Variants in ACSM2B observed in about 807,000 individuals in gnomAD.
The protein encoded by ACSM2B is acyl-CoA synthetase medium chain family member 2B, also known as acyl-coenzyme A synthetase ACSM2B, mitochondrial.
In ACSM2B, 58 loss-of-function variants were observed where a neutral mutation model predicts 78.6. The observed-to-expected ratio is 0.74, with a 90% CI of 0.60 to 0.92. The LOEUF is 0.92. Among genes scored for constraint, ACSM2B ranks in the 40% least tolerant of loss-of-function variants. The pLI is 0.00. For missense variants in ACSM2B, 688 were observed against 711.2 expected (o/e 0.97, Z 0.37); for synonymous variants, 257 against 256.8 (o/e 1.00, Z -0.01).
chr16:20,559,582 T>C, intron 2 of ACSM2B, 135 bp from the exon 3 acceptor site: 1 of 1,308,132 alleles, frequency 7.6e-7, no homozygotes, highest in Non-Finnish European at 1.0e-6. Flanking sequence ...TCATAAAAAG[T>C]ATTGAAAACC....
In ACSM2B at chr16:20,548,077, A is replaced by G. The variant is rs1349997026; in HGVS notation, c.1083T>C (p.Tyr361=). The part of the protein sequence containing the change: ...AQTGLDIREF[Y]GQTETGLTCM... ...GAACAGGTACCGTTTCTGTCTGGCCATAGAATTCTCGGATGTCCAGTCCTG... is the reference window on the plus strand; with the variant it reads ...GAACAGGTACCGTTTCTGTCTGGCCGTAGAATTCTCGGATGTCCAGTCCTG... The change falls in exon 8 of 14, where the codon TAT becomes TAC. Residue 361 remains tyrosine (Y), a synonymous_variant. Transcript: ENST00000329697. The G allele has an allele frequency of 1.9e-6, 3 of 1,614,066 alleles. No homozygotes were observed. The highest frequency in any genetic ancestry group is 2.5e-6 in the Non-Finnish European group (3 of 1,179,912).
rs372027953 is a variant in ACSM2B, at chr16:20,548,468, G to A, written c.900C>T (p.Leu300=). 17 of 1,613,488 alleles carry A rather than the reference G, an allele frequency of 1.1e-5. No individual in the cohort carries two copies. The highest frequency in any genetic ancestry group is 1.4e-5 in the Non-Finnish European group (17 of 1,179,682). Residue 300 remains leucine (L), a synonymous_variant, in exon 7 of 14, where the codon CTC becomes CTT. Transcript: ENST00000329697. ...TCATACTCTTGATTGGATAACTGGAGAGTGTCTGGAAGACAAGAGCCAGGT... is the reference window on the plus strand; with the variant it reads ...TCATACTCTTGATTGGATAACTGGAAAGTGTCTGGAAGACAAGAGCCAGGT... ...KFDPLVILKT[L]SSYPIKSMMG...
At chr16:20,560,780 A>T (rs988765697) in intron 2 of ACSM2B, among the ~76,000 whole-genome samples, 5 of 152,112 alleles carry the variant, frequency 3.3e-5, no homozygotes, top group Admixed American at 6.5e-5. Flanking sequence ...AAAAGTTTGG[A>T]ACGTCTTAGG....
chr16:20,562,950 C>A (rs1290495331), intron 2 of ACSM2B, among the ~76,000 whole-genome samples: 3 of 152,138 alleles, frequency 2.0e-5, no homozygotes, highest in Non-Finnish European at 4.4e-5. Flanking sequence ...CTGCCTCACC[C>A]AGAAACAAAC....
At chr16:20,544,743 A>C in intron 10 of ACSM2B, 1 of 986,242 alleles carries the variant, frequency 1.0e-6, no homozygotes, top group Non-Finnish European at 1.2e-6. Context: ...GGATTCCTCC[A>C]ACTAGATGGT....
intron 9 of ACSM2B, 64 bp from the exon 10 acceptor site, chr16:20,545,322 G>A: frequency 1.9e-6 from 3 of 1,559,444 alleles, no homozygotes; most frequent in African/African-American, 1.4e-5. Flanking sequence ...ATGGCAGCAG[G>A]AGATTGCTGA....
At chr16:20,550,166 C>A (rs112335458) in intron 6 of ACSM2B, among the ~76,000 whole-genome samples, 16,523 of 151,972 alleles carry the variant, frequency 0.11, 1,832 homozygotes, top group African/African-American at 0.28. Flanking sequence ...GAGGATGGGG[C>A]CTTAGGATTT....
chr16:20,566,743 ATATATAC>A (rs2015896646), intron 1 of ACSM2B, among the ~76,000 whole-genome samples: 1 of 76,562 alleles, frequency 1.3e-5, no homozygotes, highest in African/African-American at 7.4e-5. Context: ...AGTATATACT[ATATATAC>A]TATATATAGT....
chr16:20,544,918 G>A, intron 10 of ACSM2B: 3 of 1,128,434 alleles, frequency 2.7e-6, no homozygotes, highest in Non-Finnish European at 2.3e-6. Flanking sequence ...TTCTTGAGGA[G>A]TCTAAGGGCT....
rs2015627656 is a variant in ACSM2B, at chr16:20,560,725, G to T, written c.178-1278C>A. 2.0e-5 allele frequency among the ~76,000 whole-genome samples: 3 copies of T among 152,090 alleles called. 1 individual carries two copies. On this transcript the variant is annotated intron_variant, in intron 2 of 13. Transcript: ENST00000329697. Reference sequence around the variant, plus strand: ...TAACTCTGGAACTTGGTCATGGGAAGAAATTGAAGAGTTTGGAAGGCTTAG... The same window carrying T: ...TAACTCTGGAACTTGGTCATGGGAATAAATTGAAGAGTTTGGAAGGCTTAG...
chr16:20,540,871 A>G (rs879110384), intron 12 of ACSM2B, 98 bp from the exon 13 acceptor site: 1 of 1,503,710 alleles, frequency 6.7e-7, no homozygotes, highest in Admixed American at 1.8e-5. Flanking sequence ...TCACCCTTGT[A>G]TCTACTCATT....
chr16:20,572,097 A>G (rs1567221807), intron 1 of ACSM2B, among the ~76,000 whole-genome samples: 1 of 151,206 alleles, frequency 6.6e-6, no homozygotes, highest in African/African-American at 2.4e-5. Flanking sequence ...GTCAGGTACT[A>G]TTCCATTCAT....
chr16:20,554,493 G>A (rs34384719), intron 4 of ACSM2B, among the ~76,000 whole-genome samples: 11,631 of 152,232 alleles, frequency 0.076, 622 homozygotes, highest in East Asian at 0.2. Flanking sequence ...ATGGCATTAG[G>A]AAGGAAAAGC....
rs1450991850 is a variant in ACSM2B, at chr16:20,559,595, A to G, written c.178-148T>C. ...AATCATAAAAAGTATTGAAAACCCT[A>G]AAGAGTTGTTATTTATATGAGTTAT... is the stretch of plus-strand genomic sequence containing the variant. On this transcript the variant is annotated intron_variant, in intron 2 of 13. Coordinates refer to ENST00000329697, the MANE Select transcript of ACSM2B (RefSeq NM_001105069.2). The G allele has an allele frequency of 6.6e-5, 83 of 1,249,232 alleles. 1 individual carries two copies. The highest frequency in any genetic ancestry group is 8.7e-6 in the Non-Finnish European group (8 of 922,012). The allele number at this position is 1,249,232 out of a possible 1,614,324, so 77.4% of individuals were successfully genotyped here. A position where few individuals can be genotyped will look rare whatever the true frequency, so the allele number is the denominator to read the frequency against.
At chr16:20,569,202 AGATTT>A (rs1206285873) in intron 1 of ACSM2B, among the ~76,000 whole-genome samples, 3 of 151,988 alleles carry the variant, frequency 2.0e-5, no homozygotes, top group African/African-American at 7.2e-5. Context: ...TTCAGGTCTT[AGATTT>A]AAGTCCTTGA....
At chr16:20,569,292 T>A (rs1489279564) in intron 1 of ACSM2B, among the ~76,000 whole-genome samples, 1 of 152,092 alleles carries the variant, frequency 6.6e-6, no homozygotes, top group African/African-American at 2.4e-5. Context: ...GGCTTGCCAA[T>A]TATCCCAGAA....
At position 20,542,964 on chromosome 16, in the gene ACSM2B, C is replaced by G; in HGVS notation, c.1459G>C (p.Ala487Pro). Residue 487 changes from alanine (A) to proline (P), a missense_variant, in exon 12 of 14, where the codon GCT becomes CCT. Physicochemically the swap from Ala to Pro is conservative, Grantham distance 27. Coordinates refer to ENST00000329697, the MANE Select transcript of ACSM2B (RefSeq NM_001105069.2). ...EVENALMKHP[A>P]VVETAVISSP... ...CTGATCACAGCCGTCTCAACCACAG[C>G]AGGGTGCTTCATCAGTGCATTCTCT... 4 of 1,613,718 alleles carry G rather than the reference C, an allele frequency of 2.5e-6. No individual in the cohort carries two copies. Among genetic ancestry groups the G allele is most frequent in the Non-Finnish European group, 3.4e-6 (4 of 1,179,862 alleles).
In ACSM2B at chr16:20,553,802, C is replaced by A. The variant is rs1424751746; in HGVS notation, c.715G>T (p.Gly239Cys). 1 of 1,611,446 alleles carries A rather than the reference C, an allele frequency of 6.2e-7. No homozygotes were observed. The highest frequency in any genetic ancestry group is 1.1e-5 in the South Asian group (1 of 90,902). The change falls in exon 5 of 14, where the codon GGC (glycine) becomes TGC (cysteine). Residue 239 changes from glycine to cysteine, a missense_variant. Transcript: ENST00000329697. Reference sequence around the variant, plus strand: ...CCAGCATCCATCTTGGCCTTGAGGCCCAGGCTCGAGTAGGAATGTTCTGCC... The same window carrying A: ...CCAGCATCCATCTTGGCCTTGAGGCACAGGCTCGAGTAGGAATGTTCTGCC... ...KMAEHSYSSL[G>C]LKAKMDAGWT... is the part of the protein sequence containing the mutation.
intron 1 of ACSM2B, among the ~76,000 whole-genome samples, chr16:20,568,153 G>A (rs1322893607): frequency 7.1e-6 from 1 of 141,770 alleles, no homozygotes; most frequent in Non-Finnish European, 1.5e-5. Flanking sequence ...CTTGGAAGGA[G>A]GAAAGGCACA....
Sources: gnomAD v4.1 joint callset for allele counts (sites outside exome capture counted in the v4.1 genomes callset) on GRCh38, gnomAD v4.1.1 for gene constraint, MANE v1.5 for transcripts, NCBI Gene and HGNC (gene_info 2026-07-23, HGNC 2026-07-21) for gene names.